Variants in DOP1B observed in about 807,000 individuals in gnomAD.
DOP1B encodes the protein DOP1 leucine zipper like protein B.
A neutral mutation model predicts 233.5 loss-of-function variants in DOP1B; 174 were observed. That is an observed-to-expected ratio of 0.75 (90% CI 0.66 to 0.85). DOP1B has a LOEUF of 0.85. Among genes scored for constraint, DOP1B ranks in the 40% least tolerant of loss-of-function variants. DOP1B has a pLI of 0.00. For synonymous variants in DOP1B, 1,190 were observed against 1,185.6 expected (o/e 1.00, Z -0.08); for missense variants, 2,652 against 2,846.6 (o/e 0.93, Z 1.56).
chr21:36,235,484 T>G (rs1407371307), intron 15 of DOP1B, among the ~76,000 whole-genome samples: 2 of 151,854 alleles, frequency 1.3e-5, no homozygotes, highest in Admixed American at 6.6e-5. Flanking sequence ...TCCAGCACTT[T>G]AGGAGGCTGA....
chr21:36,250,308 C>G (rs2067017493), intron 21 of DOP1B, among the ~76,000 whole-genome samples: 1 of 152,208 alleles, frequency 6.6e-6, no homozygotes, highest in Admixed American at 6.5e-5. Flanking sequence ...ACATTTTGTG[C>G]CTGCTGCCAC....
Position 36,293,403 on chromosome 21 carries a change from G to T in DOP1B, c.6729G>T (p.Leu2243Phe). ...RQHSVSSIRQ[L>F]MPFFMTLNGA... ...ATTCTGTTTCCAGCATCAGGCAGTTGATGCCATTCTTCATGACTCTAAATG... is the reference window on the plus strand; with the variant it reads ...ATTCTGTTTCCAGCATCAGGCAGTTTATGCCATTCTTCATGACTCTAAATG... The change falls in exon 37 of 37, where the codon TTG becomes TTT. Residue 2243 changes from leucine to phenylalanine, a missense_variant. Physicochemically the swap from Leu to Phe is conservative, Grantham distance 22. Transcript: ENST00000691173. 2 of 1,614,134 alleles carry T rather than the reference G, an allele frequency of 1.2e-6. No homozygotes were observed. The highest frequency in any genetic ancestry group is 1.7e-6 in the Non-Finnish European group (2 of 1,180,030).
chr21:36,268,400 G>C (rs1465151789), intron 26 of DOP1B, among the ~76,000 whole-genome samples: 6 of 152,016 alleles, frequency 3.9e-5, no homozygotes, highest in African/African-American at 1.4e-4. Flanking sequence ...GTCTTCCCTT[G>C]TTCCCTAAAA....
intron 2 of DOP1B, among the ~76,000 whole-genome samples, chr21:36,174,525 A>G (rs1265265518): frequency 6.6e-6 from 1 of 152,140 alleles, no homozygotes; most frequent in African/African-American, 2.4e-5. Flanking sequence ...GGTGAGTCCA[A>G]CAGAATCCTT....
chr21:36,277,180 A>ACGCTCACT, intron 28 of DOP1B, 80 bp downstream of exon 28: 1 of 1,478,330 alleles, frequency 6.8e-7, no homozygotes, highest in Non-Finnish European at 9.3e-7. Flanking sequence ...GTTCATTCCC[A>ACGCTCACT]GGTGCCAGTG....
intron 2 of DOP1B, among the ~76,000 whole-genome samples, chr21:36,176,096 G>A (rs2066022474): frequency 7.0e-6 from 1 of 143,214 alleles, no homozygotes; most frequent in Non-Finnish European, 1.5e-5. Flanking sequence ...GGGTGTGTGT[G>A]CGTGTGTGTG....
intron 32 of DOP1B, among the ~76,000 whole-genome samples, chr21:36,287,053 T>C (rs1270945310): frequency 6.6e-6 from 1 of 152,120 alleles, no homozygotes; most frequent in Admixed American, 6.6e-5. Context: ...AGCTGTTTGC[T>C]GTAGCAATTT....
rs941496545 is a variant in DOP1B, at chr21:36,217,430, C to A, written c.1130-1942C>A. ...AGGTTCTCCCACTATGCCTGTTTTACAAATGGAAAGACTAAGGTTGGGTGG... is the reference window on the plus strand; with the variant it reads ...AGGTTCTCCCACTATGCCTGTTTTAAAAATGGAAAGACTAAGGTTGGGTGG... On this transcript the variant is annotated intron_variant, in intron 9 of 36. Transcript: ENST00000691173. Among the ~76,000 whole-genome samples the A allele has an allele frequency of 4.6e-5, 7 of 152,196 alleles. No individual in the cohort carries two copies. In the South Asian group the frequency reaches 1.4e-3, roughly 31 times the overall value.
At chr21:36,269,313 A>G (rs2067261534) in intron 26 of DOP1B, among the ~76,000 whole-genome samples, 1 of 151,170 alleles carries the variant, frequency 6.6e-6, no homozygotes. Flanking sequence ...GCACCACCAC[A>G]CCCACCTAAT....
chr21:36,288,794 T>C lies in DOP1B; in HGVS notation c.6336T>C (p.Asp2112=). 20 of 1,613,452 alleles carry C rather than the reference T, an allele frequency of 1.2e-5. No individual in the cohort carries two copies. Among genetic ancestry groups the C allele is most frequent in the Non-Finnish European group, 1.7e-5 (20 of 1,179,568 alleles). ...TFTQLEEDLK[D]EDESLRSTNK... is the part of the protein sequence containing the mutation. The stretch of plus-strand genomic sequence containing the variant: ...CACAGCTTGAAGAAGATCTAAAAGA[T>C]GAAGATGAGTCATTGAGGTAAGCAG... Residue 2112 remains aspartate, a synonymous_variant, in exon 34 of 37, where the codon GAT becomes GAC. Transcript: ENST00000691173.
At chr21:36,182,310 G>A (rs1569004773) in intron 2 of DOP1B, among the ~76,000 whole-genome samples, 1 of 152,100 alleles carries the variant, frequency 6.6e-6, no homozygotes, top group Non-Finnish European at 1.5e-5. Context: ...GGATCAGGTG[G>A]TGATGCGCTG....
At chr21:36,211,827 G>C (rs2066501626) in intron 6 of DOP1B, 147 bp from the exon 7 acceptor site, 2 of 1,344,772 alleles carry the variant, frequency 1.5e-6, no homozygotes, top group African/African-American at 2.9e-5. Flanking sequence ...TGCACGTATT[G>C]AATAGCTTCT....
chr21:36,230,836 CA>C lies in DOP1B; in HGVS notation c.2054del (p.Lys685SerfsTer110), dbSNP rs751841443. The C allele has an allele frequency of 3.1e-6, 5 of 1,613,996 alleles. No homozygotes were observed. The highest frequency in any genetic ancestry group is 4.2e-6 in the Non-Finnish European group (5 of 1,179,998). On this transcript the variant is annotated frameshift_variant, in exon 14 of 37. Transcript: ENST00000691173. LOFTEE classifies it high-confidence loss of function. ...CCAGCAGGAAGAACTCTTGGGAGCCCAAGCCCATCACTGTGCCTCAGTTCAA... is the reference window on the plus strand; with the variant it reads ...CCAGCAGGAAGAACTCTTGGGAGCCCAGCCCATCACTGTGCCTCAGTTCAA... ...DSSRKNSWEP[K>X]PITVPQFKQM...
chr21:36,175,948 C>T (rs1333135016), intron 2 of DOP1B: 1 of 152,290 alleles, frequency 6.6e-6, no homozygotes, highest in Admixed American at 6.5e-5. Flanking sequence ...GTCTCTCCAC[C>T]TGTCACCTGT....
chr21:36,238,012 A>G (rs2066846487), intron 16 of DOP1B, among the ~76,000 whole-genome samples: 1 of 152,148 alleles, frequency 6.6e-6, no homozygotes, highest in Non-Finnish European at 1.5e-5. Flanking sequence ...TACTAAAAAT[A>G]CAATATTAGC....
intron 1 of DOP1B, among the ~76,000 whole-genome samples, chr21:36,157,156 G>A (rs1167779212): frequency 6.6e-6 from 1 of 152,122 alleles, no homozygotes; most frequent in Non-Finnish European, 1.5e-5. Flanking sequence ...CGGAGAGCTC[G>A]GGGCCGGAGA....
intron 2 of DOP1B, among the ~76,000 whole-genome samples, chr21:36,179,394 T>C (rs927091790): frequency 3.3e-5 from 5 of 152,266 alleles, no homozygotes; most frequent in Admixed American, 2.6e-4. Context: ...GTCATTTTAA[T>C]GAGAGTGTAA....
Position 36,208,791 on chromosome 21 carries a change from C to A in DOP1B, c.568C>A (p.Leu190Met). The A allele has an allele frequency of 6.2e-7, 1 of 1,611,384 alleles. No individual in the cohort carries two copies. Among genetic ancestry groups the A allele is most frequent in the South Asian group, 1.1e-5 (1 of 90,716 alleles). The change falls in exon 5 of 37, where the codon CTG (leucine) becomes ATG (methionine). Residue 190 changes from leucine to methionine, a missense_variant. Leu to Met is a conservative substitution (Grantham distance 15). This residue lies in a region of DOP1B where 2,617 missense variants were observed against 2,794.3 expected (regional missense o/e 0.94). Transcript: ENST00000691173. ...VFYTALWGSV[L>M]ASPSIRLPAS... ...TTACACCGCCCTCTGGGGGAGCGTC[C>A]TGGCCAGCCCGTCCATCCGCCTCCC...
intron 5 of DOP1B, among the ~76,000 whole-genome samples, chr21:36,210,537 C>T (rs1041321269): frequency 6.6e-6 from 1 of 152,104 alleles, no homozygotes; most frequent in Non-Finnish European, 1.5e-5. Flanking sequence ...CCCAGCTACT[C>T]AGGAGGCTGA....
Sources: allele counts gnomAD v4.1 joint callset (sites outside exome capture counted in the v4.1 genomes callset), GRCh38; gene constraint gnomAD v4.1.1; regional missense constraint gnomAD v4.1.1; transcripts MANE v1.5; gene names NCBI Gene and HGNC (gene_info 2026-07-23, HGNC 2026-07-21).